Variants in MTRF1 observed in about 807,000 individuals in gnomAD.
MTRF1 encodes mitochondrial translation release factor 1, also known as peptide chain release factor 1, mitochondrial.
In MTRF1, 51 loss-of-function variants were observed where a neutral mutation model predicts 62.9. The ratio of observed to expected loss-of-function variants is 0.81; its 90% confidence interval spans 0.65 to 1.02. The LOEUF (loss-of-function observed/expected upper bound fraction) is 1.02. Among genes scored for constraint, MTRF1 ranks in the 50% least tolerant of loss-of-function variants. MTRF1 has a pLI of 0.00. For missense variants in MTRF1, 446 were observed against 530.0 expected (o/e 0.84, Z 1.56); for synonymous variants, 158 against 181.9 (o/e 0.87, Z 1.06).
chr13:41,218,178 T>C (rs2032307831), intron 9 of MTRF1, among the ~76,000 whole-genome samples: 1 of 151,394 alleles, frequency 6.6e-6, no homozygotes. Context: ...TATAGTGGTG[T>C]GATCTCGGCT....
At chr13:41,268,467 A>C (rs1277822330), upstream of MTRF1, among the ~76,000 whole-genome samples, 1 of 152,154 alleles carries the variant, frequency 6.6e-6, no homozygotes, top group Non-Finnish European at 1.5e-5. Flanking sequence ...AATTACTTGA[A>C]CCTGGGAGGT....
the MTRF1 span, chr13:41,311,282 C>G: frequency 4.1e-6 from 2 of 484,298 alleles, no homozygotes. Flanking sequence ...GCGCGGGAAC[C>G]GCCGCCGCCG....
chr13:41,241,951 A>C (rs1043701875), intron 5 of MTRF1, among the ~76,000 whole-genome samples: 2 of 152,256 alleles, frequency 1.3e-5, no homozygotes, highest in African/African-American at 4.8e-5. Context: ...CACTGGGGTT[A>C]CAAAATGGTG....
chr13:41,260,431 A>G (rs552605988), intron 2 of MTRF1, 62 bp downstream of exon 2: 23 of 1,352,536 alleles, frequency 1.7e-5, no homozygotes, highest in Non-Finnish European at 2.1e-5. Context: ...ACACACGCAT[A>G]TAAGTGTGTG....
chr13:41,306,942 T>C, the MTRF1 span, among the ~76,000 whole-genome samples: 1 of 152,258 alleles, frequency 6.6e-6, no homozygotes, highest in African/African-American at 2.4e-5. Flanking sequence ...ATCATGTTAT[T>C]ATAACCCCAT....
the MTRF1 span, among the ~76,000 whole-genome samples, chr13:41,308,518 T>C: frequency 6.6e-6 from 1 of 152,164 alleles, no homozygotes; most frequent in Non-Finnish European, 1.5e-5. Flanking sequence ...CTAGCAATTA[T>C]GGCAGTGGTT....
At chr13:41,300,085 G>C in the MTRF1 span, among the ~76,000 whole-genome samples, 2 of 152,178 alleles carry the variant, frequency 1.3e-5, no homozygotes, top group Admixed American at 1.3e-4. Context: ...AGTTGTCAGT[G>C]AAGTGACAGT....
At chr13:41,306,308 C>T in the MTRF1 span, among the ~76,000 whole-genome samples, 1 of 151,388 alleles carries the variant, frequency 6.6e-6, no homozygotes, top group Non-Finnish European at 1.5e-5. Flanking sequence ...GGCGTGAACC[C>T]GGGAGGCGGA....
chr13:41,220,627 G>A (rs1247008444), intron 9 of MTRF1: 96 of 1,284,446 alleles, frequency 7.5e-5, no homozygotes, highest in Non-Finnish European at 9.0e-5. Flanking sequence ...ACTACCACCC[G>A]TGGAATGAGA....
At chr13:41,273,046 G>C in the MTRF1 span, among the ~76,000 whole-genome samples, 2 of 152,156 alleles carry the variant, frequency 1.3e-5, no homozygotes, top group Non-Finnish European at 2.9e-5. Context: ...AGCATCTATG[G>C]CTGGGCATGG....
chr13:41,307,413 C>T, the MTRF1 span, among the ~76,000 whole-genome samples: 1 of 152,116 alleles, frequency 6.6e-6, no homozygotes, highest in South Asian at 2.1e-4. Context: ...ATCACAAGGT[C>T]AAGAGTTCAA....
chr13:41,216,417 GCAAT>G lies in MTRF1; in HGVS notation c.*694_*697del, dbSNP rs2031952217. 3.3e-5 allele frequency: 5 copies of G among 151,300 alleles called. No homozygotes were observed. The South Asian group carries it at 1.0e-3, about 32-fold the overall frequency. The allele number at this position is 151,300 out of a possible 1,614,324, so 9.4% of individuals were successfully genotyped here. On this transcript the variant is annotated 3_prime_UTR_variant, in exon 10 of 10. Coordinates refer to ENST00000379480, the MANE Select transcript of MTRF1 (RefSeq NM_004294.4). ...GTTTATATAGTGTGGAATTCATACA[GCAAT>G]CAAAGGGCTTTACTGTCTGTACCCA... is the stretch of plus-strand genomic sequence containing the variant.
chr13:41,291,643 T>C, the MTRF1 span, among the ~76,000 whole-genome samples: 2 of 152,226 alleles, frequency 1.3e-5, no homozygotes, highest in African/African-American at 4.8e-5. Flanking sequence ...GTAGAGACTT[T>C]TGGAATTTCA....
At chr13:41,220,236 A>G (rs543645858) in intron 9 of MTRF1, among the ~76,000 whole-genome samples, 191 of 145,380 alleles carry the variant, frequency 1.3e-3, no homozygotes, top group African/African-American at 4.7e-3. Context: ...AGGCTGAGGC[A>G]GGAGAATCAC....
intron 3 of MTRF1, 95 bp downstream of exon 3, chr13:41,254,434 G>A (rs1465676402): frequency 3.9e-6 from 3 of 764,076 alleles, no homozygotes; most frequent in Non-Finnish European, 6.3e-6. Flanking sequence ...TTAAAACAGT[G>A]TTTGGAAACC....
At chr13:41,258,112 C>T (rs1402128690) in intron 2 of MTRF1, among the ~76,000 whole-genome samples, 1 of 152,166 alleles carries the variant, frequency 6.6e-6, no homozygotes, top group Non-Finnish European at 1.5e-5. Flanking sequence ...TAATTAACTA[C>T]AAATCTGTGT....
At chr13:41,311,521 C>T in the MTRF1 span, 1 of 1,600,222 alleles carries the variant, frequency 6.2e-7, no homozygotes, top group East Asian at 2.3e-5. Context: ...GCCTCCCTGC[C>T]GGCCACGATG....
chr13:41,273,194 T>C, the MTRF1 span, among the ~76,000 whole-genome samples: 165 of 151,846 alleles, frequency 1.1e-3, no homozygotes, highest in Admixed American at 2.6e-3. Flanking sequence ...GGCGTGGTGG[T>C]GGGCGCCTGT....
At chr13:41,222,433 A>G (rs9315811) in intron 9 of MTRF1, among the ~76,000 whole-genome samples, 2,307 of 152,270 alleles carry the variant, frequency 0.015, 75 homozygotes, top group African/African-American at 0.052. Context: ...CCCCTGGTGT[A>G]CACACTGTGA....
Sources: allele counts gnomAD v4.1 joint callset (sites outside exome capture counted in the v4.1 genomes callset), GRCh38; gene constraint gnomAD v4.1.1; transcripts MANE v1.5; gene names NCBI Gene and HGNC (gene_info 2026-07-23, HGNC 2026-07-21).